PCDHA6: variants seen among roughly 807,000 people sequenced by gnomAD.
PCDHA6 encodes the protein protocadherin alpha-6.
Under a neutral mutation model 60.3 loss-of-function variants are expected in PCDHA6, and 55 were observed. The observed-to-expected ratio is 0.91, with a 90% confidence interval of 0.73 to 1.14. The LOEUF is 1.14. PCDHA6 is among the 50% of genes most tolerant of loss of function. PCDHA6 has a pLI of 0.00. For synonymous variants in PCDHA6, 652 were observed against 557.9 expected (o/e 1.17, Z -2.38); for missense variants, 1,327 against 1,256.5 (o/e 1.06, Z -0.85).
At position 140,856,841 on chromosome 5, in the gene PCDHA6, G is replaced by A. The variant is rs781868199; in HGVS notation, c.2394+26356G>A. On this transcript the variant is annotated intron_variant, in intron 1 of 3. Transcript: ENST00000529310. Reference sequence around the variant, plus strand: ...CCAAACATTAGTAATACGGCTCAACGCTTCTGATTCGGATGAAGGAATAAA... The same window carrying A: ...CCAAACATTAGTAATACGGCTCAACACTTCTGATTCGGATGAAGGAATAAA... 1.3e-5 allele frequency: 20 copies of A among 1,592,418 alleles called. 3 individuals are homozygous for A. The highest frequency in any genetic ancestry group is 3.4e-5 in the Admixed American group (2 of 59,178).
intron 1 of PCDHA6, chr5:140,849,693 A>T (rs2150445321): frequency 6.3e-7 from 1 of 1,598,584 alleles, no homozygotes; most frequent in South Asian, 1.1e-5. Flanking sequence ...GCTGGTGTCC[A>T]CCTACAAGAA....
chr5:140,863,195 C>T (rs782227810), intron 1 of PCDHA6: 17 of 864,950 alleles, frequency 2.0e-5, no homozygotes, highest in Admixed American at 3.7e-5. Context: ...GTGGTGGCGT[C>T]GCTGGCGGAG....
chr5:140,920,841 TAA>T (rs781921146), intron 1 of PCDHA6, among the ~76,000 whole-genome samples: 15 of 109,130 alleles, frequency 1.4e-4, no homozygotes, highest in Admixed American at 1.9e-4. Flanking sequence ...AGACCAAATC[TAA>T]AAAAAAAAAA....
intron 3 of PCDHA6, among the ~76,000 whole-genome samples, chr5:141,002,843 A>G (rs2098098678): frequency 6.6e-6 from 1 of 152,224 alleles, no homozygotes; most frequent in African/African-American, 2.4e-5. Context: ...AGGACTATGC[A>G]CTAGTGAGAG....
At chr5:140,966,666 C>T (rs2153748360) in intron 1 of PCDHA6, 7 of 1,259,308 alleles carry the variant, frequency 5.6e-6, no homozygotes, top group Non-Finnish European at 7.2e-6. Context: ...GGGGAGCAGG[C>T]GCAGGGTGGC....
At position 140,828,648 on chromosome 5, in the gene PCDHA6, G is replaced by C. The variant is rs1769869572; in HGVS notation, c.557G>C (p.Ser186Thr). 1 of 1,614,194 alleles carries C rather than the reference G, an allele frequency of 6.2e-7. No homozygotes were observed. Among genetic ancestry groups the C allele is most frequent in the Non-Finnish European group, 8.5e-7 (1 of 1,180,028 alleles). The change falls in exon 1 of 4, where the codon AGT becomes ACT. Residue 186 changes from serine to threonine, a missense_variant. Transcript: ENST00000529310. ...EYFGLDVKIN[S>T]DDNKQIGLLL... ...TTCGGGCTAGATGTGAAAATAAACA[G>C]TGATGACAATAAACAAATTGGGCTC...
intron 1 of PCDHA6, among the ~76,000 whole-genome samples, chr5:140,832,950 G>A (rs112678369): frequency 0.015 from 2,239 of 152,242 alleles, 37 homozygotes; most frequent in Non-Finnish European, 0.018. Flanking sequence ...ACTTAAGTGA[G>A]TATACAGAAA....
chr5:141,009,929 G>T lies in PCDHA6; in HGVS notation c.2845G>T (p.Asp949Tyr). Residue 949 changes from aspartate to tyrosine, a missense_variant, in exon 4 of 4, where the codon GAC becomes TAC. Transcript: ENST00000529310. Reference protein sequence around the residue: ...EKGNSTTDNSDQ With the variant: ...EKGNSTTDNSYQ ...AGGGAACAGCACGACTGACAACAGT[G>T]ACCAGTGAGGTCCTCAAATGGAAAC... 1 of 1,603,730 alleles carries T rather than the reference G, an allele frequency of 6.2e-7. No homozygotes were observed. The highest frequency in any genetic ancestry group is 1.1e-5 in the South Asian group (1 of 89,000).
intron 1 of PCDHA6, chr5:140,850,598 C>A (rs1358773904): frequency 6.3e-7 from 1 of 1,598,460 alleles, no homozygotes; most frequent in Non-Finnish European, 8.6e-7. Context: ...TGTACCTGAT[C>A]ATCGCCATCT....
intron 1 of PCDHA6, chr5:140,928,625 A>T: frequency 6.2e-7 from 1 of 1,614,224 alleles, no homozygotes; most frequent in African/African-American, 1.3e-5. Flanking sequence ...AGGACTGGAC[A>T]CTTGGTCACA....
intron 1 of PCDHA6, chr5:140,877,402 C>T: frequency 6.2e-7 from 1 of 1,613,934 alleles, no homozygotes; most frequent in African/African-American, 1.3e-5. Flanking sequence ...GGACGCTCCG[C>T]GCCACCGCCT....
chr5:140,924,996 T>G (rs960105846), intron 1 of PCDHA6, among the ~76,000 whole-genome samples: 1 of 151,078 alleles, frequency 6.6e-6, no homozygotes, highest in African/African-American at 2.4e-5. Flanking sequence ...ATCCTAGCAC[T>G]TTAGGAGGCT....
Position 140,830,356 on chromosome 5 carries a change from G to A in PCDHA6, c.2265G>A (p.Arg755=), listed in dbSNP as rs1771016173. 2 of 1,614,144 alleles carry A rather than the reference G, an allele frequency of 1.2e-6. No individual in the cohort carries two copies. The highest frequency in any genetic ancestry group is 2.2e-5 in the East Asian group (1 of 44,872). Reference sequence around the variant, plus strand: ...GCTGGTCGTACTCGCAGCAGAGGCGGCAGAGGGTGTGCTCCGGGGAGGGCC... The same window carrying A: ...GCTGGTCGTACTCGCAGCAGAGGCGACAGAGGGTGTGCTCCGGGGAGGGCC... ...VGSWSYSQQR[R]QRVCSGEGPP... Residue 755 remains arginine, a synonymous_variant, in exon 1 of 4, where the codon CGG becomes CGA. Transcript: ENST00000529310.
intron 1 of PCDHA6, chr5:140,847,818 C>T (rs1781197996): frequency 1.3e-5 from 2 of 149,818 alleles, no homozygotes; most frequent in African/African-American, 2.4e-5. Flanking sequence ...CATAGAATTA[C>T]TCAAGAAAAC....
At chr5:140,873,078 T>A (rs1375879471) in intron 1 of PCDHA6, among the ~76,000 whole-genome samples, 19 of 152,184 alleles carry the variant, frequency 1.2e-4, no homozygotes, top group Admixed American at 9.2e-4. Flanking sequence ...ATCTAGCTAT[T>A]TCCCCCCCGT....
intron 1 of PCDHA6, among the ~76,000 whole-genome samples, chr5:140,846,219 G>A (rs1780263856): frequency 6.7e-6 from 1 of 149,418 alleles, no homozygotes; most frequent in South Asian, 2.1e-4. Flanking sequence ...TCCATTAATA[G>A]TATTTTTCTT....
At chr5:140,838,935 T>TAATAA (rs1186571610) in intron 1 of PCDHA6, among the ~76,000 whole-genome samples, 8 of 151,738 alleles carry the variant, frequency 5.3e-5, no homozygotes, top group South Asian at 4.2e-4. Context: ...TAAAATGAAA[T>TAATAA]AATAAAATAA....
chr5:140,998,629 A>G (rs989469969), intron 3 of PCDHA6, among the ~76,000 whole-genome samples: 3 of 152,064 alleles, frequency 2.0e-5, no homozygotes, highest in African/African-American at 7.2e-5. Context: ...CAATGGCACA[A>G]TCTCAGCTCA....
intron 1 of PCDHA6, among the ~76,000 whole-genome samples, chr5:140,878,642 A>T (rs868995118): frequency 6.6e-6 from 1 of 152,216 alleles, no homozygotes; most frequent in East Asian, 1.9e-4. Context: ...TTCTATTTCT[A>T]CAAAAATATC....
Sources: gnomAD v4.1 joint callset for allele counts (sites outside exome capture counted in the v4.1 genomes callset) on GRCh38, gnomAD v4.1.1 for gene constraint, MANE v1.5 for transcripts, NCBI Gene and HGNC (gene_info 2026-07-23, HGNC 2026-07-21) for gene names.